The following FBXW2 variants were observed in gnomAD, a reference collection of about 807,000 sequenced individuals.
The protein encoded by FBXW2 is F-box and WD repeat domain containing 2.
A neutral mutation model predicts 46.0 loss-of-function variants in FBXW2; 12 were observed. The ratio of observed to expected loss-of-function variants is 0.26; its 90% CI spans 0.17 to 0.42. The LOEUF is 0.42. Ranked by LOEUF, FBXW2 falls within the 10% of genes least tolerant of loss-of-function variation. The pLI, the probability that FBXW2 is intolerant of heterozygous loss-of-function variation, is 1.00. For synonymous variants in FBXW2, 203 were observed against 209.6 expected (o/e 0.97, Z 0.27); for missense variants, 360 against 537.0 (o/e 0.67, Z 3.26).
At chr9:120,785,991 C>T (rs1484627572) in intron 3 of FBXW2, among the ~76,000 whole-genome samples, 2 of 134,154 alleles carry the variant, frequency 1.5e-5, no homozygotes, top group Non-Finnish European at 3.0e-5. Flanking sequence ...TGCACTCCAA[C>T]CTGGGTGACA....
chr9:120,779,351 A>G (rs1168526221), intron 3 of FBXW2, among the ~76,000 whole-genome samples: 1 of 152,232 alleles, frequency 6.6e-6, no homozygotes, highest in Non-Finnish European at 1.5e-5. Flanking sequence ...TCCACTAAAT[A>G]CAGTCACTAT....
At chr9:120,776,778 C>T (rs1221015270) in intron 4 of FBXW2, 2 of 152,728 alleles carry the variant, frequency 1.3e-5, no homozygotes, top group Admixed American at 1.3e-4. Context: ...ACAGTGTAAG[C>T]TGTATAGTGT....
chr9:120,773,399 A>T (rs1040002355), intron 5 of FBXW2, among the ~76,000 whole-genome samples: 1 of 152,234 alleles, frequency 6.6e-6, no homozygotes, highest in African/African-American at 2.4e-5. Flanking sequence ...ACTTGGGACC[A>T]GAATCTGCCA....
intron 5 of FBXW2, among the ~76,000 whole-genome samples, chr9:120,773,225 T>C (rs1014876178): frequency 1.3e-5 from 2 of 151,448 alleles, no homozygotes; most frequent in Non-Finnish European, 2.9e-5. Flanking sequence ...TTGGCAGCAT[T>C]TAATCTTAGC....
At chr9:120,785,394 A>G (rs1019087237) in intron 3 of FBXW2, among the ~76,000 whole-genome samples, 3 of 152,226 alleles carry the variant, frequency 2.0e-5, no homozygotes, top group Non-Finnish European at 4.4e-5. Context: ...ATCAAAGCCT[A>G]GAAGAACTGG....
intron 2 of FBXW2, among the ~76,000 whole-genome samples, chr9:120,790,388 G>A (rs2044811868): frequency 6.6e-6 from 1 of 152,154 alleles, no homozygotes; most frequent in African/African-American, 2.4e-5. Context: ...GGAGGCTGAG[G>A]CAGGAGAATG....
At chr9:120,782,608 G>C (rs2044639282) in intron 3 of FBXW2, among the ~76,000 whole-genome samples, 1 of 152,156 alleles carries the variant, frequency 6.6e-6, no homozygotes, top group Non-Finnish European at 1.5e-5. Flanking sequence ...TCAGGAAGCT[G>C]AGGCAAGAAG....
At chr9:120,775,607 A>T (rs1032861935) in intron 5 of FBXW2, among the ~76,000 whole-genome samples, 6 of 152,082 alleles carry the variant, frequency 3.9e-5, no homozygotes, top group South Asian at 2.1e-4. Flanking sequence ...TGTTTTTTTT[A>T]AAAAAGAAAA....
chr9:120,786,443 G>A (rs1000530565), intron 3 of FBXW2, among the ~76,000 whole-genome samples: 2 of 152,158 alleles, frequency 1.3e-5, no homozygotes, highest in East Asian at 3.8e-4. Flanking sequence ...TGACATGATT[G>A]TAAGTTTCCT....
intron 3 of FBXW2, among the ~76,000 whole-genome samples, chr9:120,781,176 A>G (rs2044604435): frequency 1.3e-5 from 2 of 152,216 alleles, no homozygotes; most frequent in Admixed American, 1.3e-4. Flanking sequence ...TTAGACGTTG[A>G]CCTATTGAGT....
At chr9:120,782,659 T>C (rs532323156) in intron 3 of FBXW2, among the ~76,000 whole-genome samples, 3 of 152,070 alleles carry the variant, frequency 2.0e-5, no homozygotes, top group Non-Finnish European at 4.4e-5. Context: ...CTGGGAAACA[T>C]GGTGAGACCC....
chr9:120,768,476 A>G (rs540744672), intron 7 of FBXW2, among the ~76,000 whole-genome samples: 1 of 152,218 alleles, frequency 6.6e-6, no homozygotes, highest in Admixed American at 6.5e-5. Context: ...TATCTAAAGA[A>G]TAAAGTAGTG....
intron 3 of FBXW2, among the ~76,000 whole-genome samples, chr9:120,785,798 T>C (rs549107817): frequency 5.3e-5 from 8 of 151,972 alleles, no homozygotes; most frequent in African/African-American, 1.9e-4. Context: ...GGAGGGTGGA[T>C]CACCTGAGGT....
intron 7 of FBXW2, among the ~76,000 whole-genome samples, chr9:120,767,113 G>C (rs1044218475): frequency 6.6e-6 from 1 of 152,120 alleles, no homozygotes; most frequent in African/African-American, 2.4e-5. Flanking sequence ...AAGAAGAAAT[G>C]CAACTGGGCA....
chr9:120,792,976 T>A, intron 2 of FBXW2, 173 bp downstream of exon 2: 2 of 1,533,848 alleles, frequency 1.3e-6, no homozygotes, highest in Non-Finnish European at 1.7e-6. Context: ...CTTTCAAACG[T>A]TTGGTAGCCC....
intron 3 of FBXW2, among the ~76,000 whole-genome samples, chr9:120,786,054 A>G (rs1194634117): frequency 1.3e-5 from 2 of 151,818 alleles, no homozygotes; most frequent in Non-Finnish European, 2.9e-5. Context: ...GAGCTATAAA[A>G]TAATTCATAC....
intron 7 of FBXW2, 61 bp from the exon 8 acceptor site, chr9:120,764,908 G>A (rs1431506268): frequency 7.6e-7 from 1 of 1,317,056 alleles, no homozygotes; most frequent in East Asian, 2.3e-5. Context: ...TTATGCTACT[G>A]TAATCTTTTC....
At position 120,790,777 on chromosome 9, in the gene FBXW2, G is replaced by GT. The variant is rs563670336; in HGVS notation, c.-21+2371dup. ...ATGCCAAATTCACATGTATACCTATGTAACAAACCTGCACGTTGTGCACAT... is the reference window on the plus strand; with the variant it reads ...ATGCCAAATTCACATGTATACCTATGTTAACAAACCTGCACGTTGTGCACAT... On this transcript the variant is annotated intron_variant, in intron 2 of 7. Transcript: ENST00000608872. Among the ~76,000 whole-genome samples, 1,274 of 151,964 alleles carry GT rather than the reference G, an allele frequency of 8.4e-3. 8 individuals carry two copies. The highest frequency in any genetic ancestry group is 0.014 in the Non-Finnish European group (942 of 67,992).
At chr9:120,783,674 T>C (rs1359441787) in intron 3 of FBXW2, among the ~76,000 whole-genome samples, 2 of 152,212 alleles carry the variant, frequency 1.3e-5, no homozygotes, top group Non-Finnish European at 2.9e-5. Flanking sequence ...GGTCCCAGTG[T>C]GTATGTTCCA....
Sources: allele counts gnomAD v4.1 joint callset (sites outside exome capture counted in the v4.1 genomes callset), GRCh38; gene constraint gnomAD v4.1.1; transcripts MANE v1.5; gene names NCBI Gene and HGNC (gene_info 2026-07-23, HGNC 2026-07-21).